Variants in NOS1 observed in about 807,000 individuals in gnomAD.
NOS1 encodes nitric oxide synthase 1, also known as NOS type I.
NOS1 carries 51 observed loss-of-function variants against 164.5 expected under a neutral mutation model. The ratio of observed to expected loss-of-function variants is 0.31; its 90% CI spans 0.25 to 0.39. The LOEUF is 0.39. Ranked by LOEUF, NOS1 falls within the 10% of genes least tolerant of loss-of-function variation. The probability of loss-of-function intolerance (pLI) is 1.00; values close to 1 mark genes in which losing one functional copy is unlikely to be tolerated. For missense variants in NOS1, 1,362 were observed against 1,885.6 expected (o/e 0.72, Z 5.14); for synonymous variants, 719 against 745.8 (o/e 0.96, Z 0.59).
rs1315732120 is a variant in NOS1, at chr12:117,272,231, C to T, written c.1839+154G>A. On this transcript the variant is annotated intron_variant, in intron 10 of 28. Coordinates refer to ENST00000317775, the MANE Select transcript of NOS1 (RefSeq NM_000620.5). The surrounding 1 kb of genome is among the most constrained non-coding windows in gnomAD (Gnocchi z 4.3). The stretch of plus-strand genomic sequence containing the variant: ...TTCATTGTTGTTAAAGACATGGATG[C>T]CCCTGGCATTTCCAGGGGCTTCTCT... 6.6e-6 allele frequency among the ~76,000 whole-genome samples: 1 copy of T among 152,170 alleles called. No individual in the cohort carries two copies. The highest frequency in any genetic ancestry group is 6.5e-5 in the Admixed American group (1 of 15,278).
At chr12:117,282,916 C>T (rs144047770) in intron 7 of NOS1, among the ~76,000 whole-genome samples, 76 of 152,016 alleles carry the variant, frequency 5.0e-4, no homozygotes, top group African/African-American at 1.8e-3. Context: ...ACAGAGGAAC[C>T]AGAACACACA....
At chr12:117,311,339 A>T in intron 3 of NOS1, 127 bp downstream of exon 3, 1 of 1,166,182 alleles carries the variant, frequency 8.6e-7, no homozygotes, top group Non-Finnish European at 1.2e-6. Flanking sequence ...CAAGCTCTCC[A>T]GCCACGGCGG....
chr12:117,255,878 AT>A (rs1380950530), intron 16 of NOS1: 14 of 1,061,040 alleles, frequency 1.3e-5, no homozygotes, highest in Non-Finnish European at 1.8e-5. Context: ...ATGCTCAGGC[AT>A]TGGGTGTGCA....
chr12:117,342,943 C>T (rs141438186), intron 1 of NOS1, among the ~76,000 whole-genome samples: 161 of 152,108 alleles, frequency 1.1e-3, no homozygotes, highest in South Asian at 3.3e-3. Context: ...CAGAAGCTAA[C>T]GGAGAAGGAG....
At chr12:117,309,738 T>C (rs770772955) in intron 3 of NOS1, among the ~76,000 whole-genome samples, 1 of 152,152 alleles carries the variant, frequency 6.6e-6, no homozygotes, top group East Asian at 1.9e-4. Context: ...TCTGAACAGA[T>C]TGGCAGAGAC....
rs192512080 is a variant in NOS1, at chr12:117,234,889, C to G, written c.3042-131G>C. 4.4e-4 allele frequency: 254 copies of G among 577,012 alleles called. No individual in the cohort carries two copies. The African/African-American group carries it at 4.8e-3, about 11-fold the overall frequency. The allele number at this position is 577,012 out of a possible 1,614,324, so 35.7% of individuals were successfully genotyped here. A position where few individuals can be genotyped will look rare whatever the true frequency, so the allele number is the denominator to read the frequency against. On this transcript the variant is annotated intron_variant, in intron 20 of 28. Coordinates refer to ENST00000317775, the MANE Select transcript of NOS1 (RefSeq NM_000620.5). The surrounding 1 kb of genome is among the most constrained non-coding windows in gnomAD (Gnocchi z 4.3). ...CTTGTTGGGGCCCGTGCTAACCAAG[C>G]CTATGCCCCCATCATTCTATTATTA...
intron 20 of NOS1, among the ~76,000 whole-genome samples, chr12:117,240,489 T>C (rs1566034762): frequency 6.6e-6 from 1 of 152,208 alleles, no homozygotes; most frequent in African/African-American, 2.4e-5. Flanking sequence ...TCAGCAGCCT[T>C]GCAATGCTGG....
rs1566024994 is a variant in NOS1 at position 117,222,662 on chromosome 12, C to CAAGTGTG, written c.3975+52_3975+53insCACACTT. 1.6e-4 allele frequency: 255 copies of CAAGTGTG among 1,556,578 alleles called. 1 individual carries two copies. Among genetic ancestry groups the CAAGTGTG allele is most frequent in the Admixed American group, 1.5e-3 (85 of 58,296 alleles). On this transcript the variant is annotated intron_variant, in intron 26 of 28. Transcript: ENST00000317775. ...TGAGGGGTTTCTGAGAGTAGGATGTCCAAGTGTGCATGTGTGTTGGGCTGG... is the reference window on the plus strand; with the variant it reads ...TGAGGGGTTTCTGAGAGTAGGATGTCAAGTGTGCAAGTGTGCATGTGTGTTGGGCTGG...
At chr12:117,358,330 C>A (rs1023422952) in intron 1 of NOS1, among the ~76,000 whole-genome samples, 4 of 147,432 alleles carry the variant, frequency 2.7e-5, no homozygotes, top group Non-Finnish European at 6.1e-5. Context: ...CACAATACCC[C>A]CGCCCTCTCA....
At position 117,210,251 on chromosome 12, in the gene NOS1, T is replaced by C; in HGVS notation, c.*5058A>G. 1 of 973,386 alleles carries C rather than the reference T, an allele frequency of 1.0e-6. No homozygotes were observed. The highest frequency in any genetic ancestry group is 1.2e-6 in the Non-Finnish European group (1 of 819,294). 60.3% of individuals were successfully genotyped at this position (973,386 alleles called of 1,614,324 possible). On this transcript the variant is annotated 3_prime_UTR_variant, in exon 29 of 29. Coordinates refer to ENST00000317775, the MANE Select transcript of NOS1 (RefSeq NM_000620.5). ...CCACCTCAGTCTCCCAAAGTGCTAT[T>C]ACAGGCATGAACCACCATGCCTGGC... is the stretch of plus-strand genomic sequence containing the variant.
intron 20 of NOS1, among the ~76,000 whole-genome samples, chr12:117,241,978 C>A (rs1415266312): frequency 6.6e-6 from 1 of 152,186 alleles, no homozygotes; most frequent in Non-Finnish European, 1.5e-5. Flanking sequence ...AGGAATCAGG[C>A]CCCACAGGAG....
chr12:117,291,050 T>TA (rs1280677779), intron 3 of NOS1, among the ~76,000 whole-genome samples: 1 of 151,820 alleles, frequency 6.6e-6, no homozygotes, highest in African/African-American at 2.4e-5. Flanking sequence ...TTGTCTCTAT[T>TA]AAAAAATACA....
intron 1 of NOS1, among the ~76,000 whole-genome samples, chr12:117,344,801 G>A (rs1390134063): frequency 6.6e-6 from 1 of 152,048 alleles, no homozygotes; most frequent in Non-Finnish European, 1.5e-5. Flanking sequence ...ATTTATATGG[G>A]GAAAACAGGC....
chr12:117,347,306 A>G (rs1421439842), intron 1 of NOS1, among the ~76,000 whole-genome samples: 1 of 152,054 alleles, frequency 6.6e-6, no homozygotes, highest in African/African-American at 2.4e-5. Flanking sequence ...GGAAAAAAAA[A>G]AAAAGAAAAA....
intron 9 of NOS1, among the ~76,000 whole-genome samples, chr12:117,273,358 C>T (rs1173866984): frequency 6.6e-6 from 1 of 152,126 alleles, no homozygotes; most frequent in African/African-American, 2.4e-5. Context: ...CACCAAGGAA[C>T]TGGGTGAGTT....
chr12:117,220,880 G>A (rs1956692369), intron 26 of NOS1, among the ~76,000 whole-genome samples: 1 of 152,092 alleles, frequency 6.6e-6, no homozygotes, highest in Non-Finnish European at 1.5e-5. Context: ...AACTTGTCCA[G>A]GAAACTCCCA....
intron 1 of NOS1, among the ~76,000 whole-genome samples, chr12:117,344,994 T>TCTTG (rs369862738): frequency 4.0e-5 from 6 of 151,218 alleles, no homozygotes; most frequent in African/African-American, 1.5e-4. Context: ...TATGATTAAT[T>TCTTG]CTTGCTTGCT....
At position 117,213,054 on chromosome 12, in the gene NOS1, ATCTG is replaced by A. The variant is rs1388402563; in HGVS notation, c.*2251_*2254del. 5.2e-5 allele frequency: 51 copies of A among 985,352 alleles called. No homozygotes were observed. The highest frequency in any genetic ancestry group is 5.9e-5 in the Non-Finnish European group (49 of 829,944). The allele number at this position is 985,352 out of a possible 1,614,324, so 61.0% of individuals were successfully genotyped here. ...CTTGACAAAATGAGACAATGTTTCC[ATCTG>A]TCTGCTACTAGAAAGGCAGGCACAT... On this transcript the variant is annotated 3_prime_UTR_variant, in exon 29 of 29. Transcript: ENST00000317775.
chr12:117,277,926 C>A, intron 9 of NOS1, 33 bp downstream of exon 9: 1 of 1,589,800 alleles, frequency 6.3e-7, no homozygotes, highest in Non-Finnish European at 8.6e-7. Flanking sequence ...CAAACCCACT[C>A]ACCCTCTCCC....
Sources: gnomAD v4.1 joint callset for allele counts (sites outside exome capture counted in the v4.1 genomes callset) on GRCh38, gnomAD v4.1.1 for gene constraint, Gnocchi (gnomAD v3.1) non-coding constraint, MANE v1.5 for transcripts, NCBI Gene and HGNC (gene_info 2026-07-23, HGNC 2026-07-21) for gene names.